TG: variants seen among roughly 807,000 people sequenced by gnomAD.
The protein encoded by TG is thyroid hormones.
TG carries 270 observed loss-of-function variants against 324.7 expected under a neutral mutation model. The ratio of observed to expected loss-of-function variants is 0.83; its 90% CI spans 0.75 to 0.92. The LOEUF (loss-of-function observed/expected upper bound fraction) is 0.92, where lower values mean the gene tolerates loss of function less well. Among genes scored for constraint, TG ranks in the 40% least tolerant of loss-of-function variants. The pLI, the probability that TG is intolerant of heterozygous loss-of-function variation, is 0.00. For missense variants in TG, 3,591 were observed against 3,456.4 expected, an observed-to-expected ratio of 1.04 and a Z score of -0.98; for synonymous variants, 1,401 against 1,327.0, an observed-to-expected ratio of 1.06 and a Z score of -1.21.
chr8:132,908,148 G>T, intron 17 of TG, 38 bp from the exon 18 acceptor site: 1 of 1,611,530 alleles, frequency 6.2e-7, no homozygotes. Context: ...AACTCTACAG[G>T]CCCATTGCCT....
In TG at chr8:132,881,986, A is replaced by C. The variant is rs1016098989; in HGVS notation, c.745+17A>C. 1.3e-6 allele frequency: 2 copies of C among 1,554,474 alleles called. No homozygotes were observed. The highest frequency in any genetic ancestry group is 8.9e-7 in the Non-Finnish European group (1 of 1,125,568). On this transcript the variant is annotated intron_variant, in intron 6 of 47. Transcript: ENST00000220616. ...CTGAGACAGGTGAGTGATACCCCTCAGGTGATCTGAAGGGAGGGAGTGTGA... is the reference window on the plus strand; with the variant it reads ...CTGAGACAGGTGAGTGATACCCCTCCGGTGATCTGAAGGGAGGGAGTGTGA...
intron 21 of TG, 114 bp from the exon 22 acceptor site, chr8:132,923,224 G>A (rs1398150799): frequency 5.1e-6 from 6 of 1,182,350 alleles, no homozygotes; most frequent in South Asian, 1.3e-5. Flanking sequence ...AAGCTGGAAT[G>A]TCTGAGTTAG....
intron 35 of TG, among the ~76,000 whole-genome samples, chr8:132,986,369 A>T (rs373939857): frequency 3.0e-5 from 3 of 99,630 alleles, no homozygotes; most frequent in Non-Finnish European, 7.5e-5. Flanking sequence ...GTGTATATAT[A>T]GTATATATAT....
At chr8:132,964,634 T>G in intron 29 of TG, 1 of 448,018 alleles carries the variant, frequency 2.2e-6, no homozygotes, top group Non-Finnish European at 4.0e-6. Flanking sequence ...CACATAGTTT[T>G]AAGAGAAATA....
In TG at chr8:132,886,463, G is replaced by A; in HGVS notation, c.1091G>A (p.Cys364Tyr). Residue 364 changes from cysteine (C) to tyrosine (Y), a missense_variant, in exon 9 of 48, where the codon TGT becomes TAT. Cys to Tyr is a radical substitution (Grantham distance 194). Transcript: ENST00000220616. ...TCTCATGCAGCTGAAGGCCAATCTT[G>A]TGCCTCCGAAAGGCAGCAGGCCTTG... The part of the protein sequence containing the change: ...EPPSCAEGQS[C>Y]ASERQQALSR... 6.2e-7 allele frequency: 1 copy of A among 1,614,132 alleles called. No homozygotes were observed.
At chr8:132,985,595 C>G (rs1011973968) in intron 35 of TG, among the ~76,000 whole-genome samples, 4 of 152,084 alleles carry the variant, frequency 2.6e-5, no homozygotes, top group African/African-American at 9.7e-5. Context: ...TATGGTTCAC[C>G]ACAGAGCCCC....
At chr8:133,128,240 G>T (rs542824351) in intron 45 of TG, among the ~76,000 whole-genome samples, 2 of 151,988 alleles carry the variant, frequency 1.3e-5, no homozygotes, top group African/African-American at 4.8e-5. Context: ...TTCGGCAACT[G>T]TGGGCGGAGC....
At chr8:133,060,240 C>G (rs1209702175) in intron 41 of TG, 2 of 1,612,474 alleles carry the variant, frequency 1.2e-6, no homozygotes, top group East Asian at 2.2e-5. Context: ...CAACCGTGCC[C>G]TGAGCCCTCC....
At chr8:133,000,278 A>G (rs764252571) in intron 35 of TG, among the ~76,000 whole-genome samples, 2 of 152,188 alleles carry the variant, frequency 1.3e-5, no homozygotes, top group African/African-American at 2.4e-5. Context: ...TGACAACTGC[A>G]TGACTCATTG....
chr8:133,064,297 C>T (rs777028531), intron 41 of TG: 8 of 152,198 alleles, frequency 5.3e-5, no homozygotes, highest in Admixed American at 2.0e-4. Flanking sequence ...CAACCATTGG[C>T]GTTTTTCAAA....
intron 35 of TG, among the ~76,000 whole-genome samples, chr8:132,990,680 C>T (rs1415373702): frequency 1.3e-5 from 2 of 152,062 alleles, no homozygotes; most frequent in Non-Finnish European, 2.9e-5. Context: ...ATGCTAAATG[C>T]TTTCTATATT....
intron 41 of TG, chr8:133,040,162 C>T: frequency 6.4e-7 from 1 of 1,567,572 alleles, no homozygotes; most frequent in Non-Finnish European, 8.6e-7. Flanking sequence ...CGGTCAGGGA[C>T]CCTGGGGACG....
intron 41 of TG, among the ~76,000 whole-genome samples, chr8:133,067,911 G>T (rs1270845634): frequency 1.9e-5 from 1 of 52,352 alleles, no homozygotes; most frequent in South Asian, 4.5e-4. Context: ...AGGAAGGAAG[G>T]AAGGAAAGAG....
At chr8:132,967,512 T>C (rs1253925606) in intron 30 of TG, among the ~76,000 whole-genome samples, 2 of 152,186 alleles carry the variant, frequency 1.3e-5, no homozygotes, top group Non-Finnish European at 2.9e-5. Context: ...GTAGATCCAA[T>C]GCAATGTTAC....
In TG at chr8:133,026,457, A is replaced by G. The variant is rs138489356; in HGVS notation, c.7037-3364A>G. ...AGCAGTTGCTGGGTGAAGGGAGGCCATTTCCCCAAGCCTGGACCCTGTAGC... is the reference window on the plus strand; with the variant it reads ...AGCAGTTGCTGGGTGAAGGGAGGCCGTTTCCCCAAGCCTGGACCCTGTAGC... On this transcript the variant is annotated intron_variant, in intron 40 of 47. Transcript: ENST00000220616. 3.8e-3 allele frequency among the ~76,000 whole-genome samples: 572 copies of G among 152,294 alleles called. 7 individuals are homozygous for G. The highest frequency in any genetic ancestry group is 0.013 in the African/African-American group (547 of 41,556).
intron 18 of TG, among the ~76,000 whole-genome samples, chr8:132,910,678 A>T (rs1032678197): frequency 1.3e-5 from 2 of 152,214 alleles, no homozygotes; most frequent in Admixed American, 6.5e-5. Flanking sequence ...CACATGGCTG[A>T]CATCTTGATC....
At chr8:132,891,661 T>C (rs2132204138) in intron 10 of TG, among the ~76,000 whole-genome samples, 1 of 152,316 alleles carries the variant, frequency 6.6e-6, no homozygotes, top group East Asian at 1.9e-4. Flanking sequence ...AGATCTTATG[T>C]GCCCAGTTGT....
chr8:132,966,768 A>G, intron 30 of TG, 71 bp downstream of exon 30: 1 of 1,606,208 alleles, frequency 6.2e-7, no homozygotes, highest in Non-Finnish European at 8.5e-7. Context: ...AAGTCTGGCA[A>G]CTCCTGAGAC....
rs138496624 is a variant in TG, at chr8:133,087,803, G to A, written c.7240-7241G>A. 4 of 152,230 alleles carry A rather than the reference G, an allele frequency of 2.6e-5. No homozygotes were observed. The South Asian group carries it at 6.2e-4, about 24-fold the overall frequency. The allele number at this position is 152,230 out of a possible 1,614,324, so 9.4% of individuals were successfully genotyped here. ...GGGCCAGGCAGCAGGAGGTACCCTG[G>A]GACTGGATGCCTGTGAATGTCACGT... On this transcript the variant is annotated intron_variant, in intron 41 of 47. Coordinates refer to ENST00000220616, the MANE Select transcript of TG (RefSeq NM_003235.5).
Sources: gnomAD v4.1 joint callset for allele counts (sites outside exome capture counted in the v4.1 genomes callset) on GRCh38, gnomAD v4.1.1 for gene constraint, MANE v1.5 for transcripts, NCBI Gene and HGNC (gene_info 2026-07-23, HGNC 2026-07-21) for gene names.